Variants in HECW2 observed in about 807,000 individuals in gnomAD.
HECW2 encodes the protein HECT, C2 and WW domain containing E3 ubiquitin protein ligase 2, also known as E3 ubiquitin-protein ligase HECW2.
In HECW2, 61 loss-of-function variants were observed where a neutral mutation model predicts 175.2. The observed-to-expected ratio is 0.35, with a 90% CI of 0.28 to 0.43. The LOEUF is 0.43. Ranked by LOEUF, HECW2 falls within the 20% of genes least tolerant of loss-of-function variation. HECW2 has a pLI of 1.00. For synonymous variants in HECW2, 671 were observed against 731.0 expected (o/e 0.92, Z 1.32); for missense variants, 1,524 against 2,000.5 (o/e 0.76, Z 4.54).
Position 196,319,686 on chromosome 2 carries a change from T to A in HECW2, c.1204A>T (p.Thr402Ser), listed in dbSNP as rs1305982140. The change falls in exon 9 of 29, where the codon ACG (threonine) becomes TCG (serine). Residue 402 changes from threonine to serine, a missense_variant. Thr to Ser is a moderately conservative substitution (Grantham distance 58). This residue lies in a region of HECW2 where 604 missense variants were observed against 588.3 expected (regional missense o/e 1.03). Transcript: ENST00000644978. Reference protein sequence around the residue: ...LEIDTEELTSTSSRTSPPRGR... With the variant: ...LEIDTEELTSSSSRTSPPRGR... Reference sequence around the variant, plus strand: ...CTGGGAGGTGAGGTCCTTGAAGACGTAGAGGTTAATTCCTCTGTGTCTATT... The same window carrying A: ...CTGGGAGGTGAGGTCCTTGAAGACGAAGAGGTTAATTCCTCTGTGTCTATT... 6.2e-7 allele frequency: 1 copy of A among 1,614,218 alleles called. No individual in the cohort carries two copies. Among genetic ancestry groups the A allele is most frequent in the South Asian group, 1.1e-5 (1 of 91,086 alleles).
intron 2 of HECW2, among the ~76,000 whole-genome samples, chr2:196,400,820 CA>C (rs56242100): frequency 3.8e-3 from 514 of 134,564 alleles, no homozygotes; most frequent in Middle Eastern, 0.015. Flanking sequence ...CCACAAAATG[CA>C]AAAAAAAAAA....
intron 2 of HECW2, among the ~76,000 whole-genome samples, chr2:196,386,723 C>T (rs2375848): frequency 0.98 from 148,935 of 152,304 alleles, 72,902 homozygotes; most frequent in East Asian, 1. Flanking sequence ...GCACAATCCC[C>T]AGTGTAGATA....
intron 2 of HECW2, among the ~76,000 whole-genome samples, chr2:196,353,002 G>A (rs563485952): frequency 6.6e-6 from 1 of 152,146 alleles, no homozygotes; most frequent in African/African-American, 2.4e-5. Context: ...TTCTCAGAGT[G>A]AAATCCAAAG....
intron 2 of HECW2, among the ~76,000 whole-genome samples, chr2:196,407,103 A>G (rs1036980116): frequency 1.3e-5 from 2 of 152,212 alleles, no homozygotes; most frequent in Non-Finnish European, 2.9e-5. Context: ...GTGCTTTCTC[A>G]GTAGAGCTTA....
intron 2 of HECW2, among the ~76,000 whole-genome samples, chr2:196,420,909 C>T (rs535344748): frequency 2.1e-4 from 32 of 152,002 alleles, no homozygotes; most frequent in Admixed American, 1.0e-3. Flanking sequence ...AATTAAATGT[C>T]GTCAACAATA....
intron 15 of HECW2, 138 bp from the exon 16 acceptor site, chr2:196,274,261 G>T: frequency 3.2e-6 from 2 of 629,124 alleles, no homozygotes; most frequent in Non-Finnish European, 5.6e-6. Context: ...CAGCTGTGGG[G>T]CTGAAGCAGG....
rs183147037 is a variant in HECW2 at position 196,275,496 on chromosome 2, A to G, written c.3136-1373T>C. Among the ~76,000 whole-genome samples, 280 of 152,254 alleles carry G rather than the reference A, an allele frequency of 1.8e-3. 1 individual carries two copies. Among genetic ancestry groups the G allele is most frequent in the Admixed American group, 4.4e-3 (67 of 15,278 alleles). On this transcript the variant is annotated intron_variant, in intron 15 of 28. Transcript: ENST00000644978. Reference sequence around the variant, plus strand: ...GGGCCAGGCACGGTGGCTCACACCTATAATCCCAGCACTTTGGGTGGCCAA... The same window carrying G: ...GGGCCAGGCACGGTGGCTCACACCTGTAATCCCAGCACTTTGGGTGGCCAA...
At chr2:196,231,736 C>T (rs1287520306) in intron 21 of HECW2, among the ~76,000 whole-genome samples, 2 of 151,602 alleles carry the variant, frequency 1.3e-5, no homozygotes, top group East Asian at 3.9e-4. Context: ...CGCCTGTAAT[C>T]CCATCACTTT....
chr2:196,443,694 C>A (rs1356477347), intron 1 of HECW2, among the ~76,000 whole-genome samples: 1 of 152,198 alleles, frequency 6.6e-6, no homozygotes, highest in African/African-American at 2.4e-5. Flanking sequence ...AAGAAAAACT[C>A]TTTGCTTTTA....
intron 18 of HECW2, 80 bp downstream of exon 18, chr2:196,257,743 G>A: frequency 2.0e-6 from 2 of 979,996 alleles, no homozygotes; most frequent in Non-Finnish European, 3.2e-6. Context: ...TATGAATATT[G>A]GCATATTATT....
chr2:196,258,626 A>G (rs1270441372), intron 17 of HECW2, among the ~76,000 whole-genome samples: 1 of 152,150 alleles, frequency 6.6e-6, no homozygotes, highest in African/African-American at 2.4e-5. Flanking sequence ...AGTCATCATC[A>G]TGTCACTATT....
chr2:196,291,613 G>C (rs1223209604), intron 14 of HECW2: 1 of 152,196 alleles, frequency 6.6e-6, no homozygotes. Context: ...GAGAAACTGA[G>C]GTTGGTTACT....
chr2:196,261,642 T>G (rs1033089577), intron 17 of HECW2, among the ~76,000 whole-genome samples: 1 of 152,248 alleles, frequency 6.6e-6, no homozygotes, highest in Admixed American at 6.5e-5. Context: ...TCAACATTGG[T>G]GATTTGGCTT....
At chr2:196,494,895 C>G (rs1687336117) in intron 1 of HECW2, among the ~76,000 whole-genome samples, 1 of 152,086 alleles carries the variant, frequency 6.6e-6, no homozygotes, top group Non-Finnish European at 1.5e-5. Flanking sequence ...TATTACAAAT[C>G]CAGGCTGCAC....
chr2:196,287,244 G>A (rs1458748089), intron 14 of HECW2, among the ~76,000 whole-genome samples: 2 of 152,178 alleles, frequency 1.3e-5, no homozygotes, highest in Non-Finnish European at 2.9e-5. Context: ...ACATAGCAAT[G>A]GAAGCCAATT....
rs551661858 is a variant in HECW2, at chr2:196,211,401, C to T, written c.4607+4464G>A. 1.2e-3 allele frequency among the ~76,000 whole-genome samples: 181 copies of T among 152,260 alleles called. 1 individual carries two copies. Among genetic ancestry groups the T allele is most frequent in the African/African-American group, 4.2e-3 (175 of 41,550 alleles). On this transcript the variant is annotated intron_variant, in intron 28 of 28. Transcript: ENST00000644978. The stretch of plus-strand genomic sequence containing the variant: ...ACAGAAATGCAAAATACAGAGCTAA[C>T]CACCGACCGCGAAGCAGAGGAAGTG...
At chr2:196,458,903 T>G (rs1696627185) in intron 1 of HECW2, among the ~76,000 whole-genome samples, 1 of 151,724 alleles carries the variant, frequency 6.6e-6, no homozygotes, top group African/African-American at 2.4e-5. Context: ...GTAAACACAC[T>G]GGCTAAAACT....
chr2:196,241,914 C>A (rs1487202117), intron 20 of HECW2, among the ~76,000 whole-genome samples, 170 bp downstream of exon 20: 4 of 152,186 alleles, frequency 2.6e-5, no homozygotes, highest in Non-Finnish European at 5.9e-5. Flanking sequence ...AATCATGTTT[C>A]ATTCCAGGAC....
chr2:196,563,598 T>A (rs1052277344), intron 1 of HECW2, among the ~76,000 whole-genome samples: 5 of 151,966 alleles, frequency 3.3e-5, no homozygotes, highest in Non-Finnish European at 7.4e-5. Flanking sequence ...ACAAAATTCA[T>A]TCCTGAATGC....
Sources: gnomAD v4.1 joint callset for allele counts (sites outside exome capture counted in the v4.1 genomes callset) on GRCh38, gnomAD v4.1.1 for gene constraint, gnomAD v4.1.1 regional missense constraint, MANE v1.5 for transcripts, NCBI Gene and HGNC (gene_info 2026-07-23, HGNC 2026-07-21) for gene names.